The following U2AF2 variants were observed in gnomAD, a reference collection of about 807,000 sequenced individuals.
U2AF2 encodes splicing factor U2AF 65 kDa subunit.
U2AF2 carries 6 observed loss-of-function variants against 52.6 expected under a neutral mutation model. The observed-to-expected ratio is 0.11, with a 90% CI of 0.06 to 0.23. The LOEUF (loss-of-function observed/expected upper bound fraction) is 0.23. U2AF2 is among the 10% of genes least tolerant of loss of function. The probability of loss-of-function intolerance (pLI) is 1.00; values close to 1 mark genes in which losing one functional copy is unlikely to be tolerated. For synonymous variants in U2AF2, 284 were observed against 258.2 expected, an observed-to-expected ratio of 1.10 and a Z score of -0.96; for missense variants, 222 against 677.1, an observed-to-expected ratio of 0.33 and a Z score of 7.46.
intron 11 of U2AF2, among the ~76,000 whole-genome samples, chr19:55,669,894 G>A (rs942625168): frequency 1.3e-5 from 2 of 152,224 alleles, no homozygotes; most frequent in African/African-American, 4.8e-5. Flanking sequence ...CATGGGAGAT[G>A]TTGGTGACCC....
intron 6 of U2AF2, among the ~76,000 whole-genome samples, chr19:55,662,974 C>T (rs1342280058): frequency 6.6e-6 from 1 of 152,052 alleles, no homozygotes; most frequent in Non-Finnish European, 1.5e-5. Flanking sequence ...AACTGATGTT[C>T]CTAACTAGTC....
At chr19:55,658,124 C>T (rs1983911519) in intron 1 of U2AF2, among the ~76,000 whole-genome samples, 1 of 152,176 alleles carries the variant, frequency 6.6e-6, no homozygotes, top group Non-Finnish European at 1.5e-5. Flanking sequence ...AACATCCTCC[C>T]TCAGTGCCCT....
At position 55,659,033 on chromosome 19, in the gene U2AF2, T is replaced by C. The variant is rs145768292; in HGVS notation, c.50-177T>C. On this transcript the variant is annotated intron_variant, in intron 1 of 11. Coordinates refer to ENST00000308924, the MANE Select transcript of U2AF2 (RefSeq NM_007279.3). ...AGGCCCCGTCCCCCTGGTCCCCTCA[T>C]GGTCCCTGGACTCGCTTGTGGACCC... 4.9e-6 allele frequency: 5 copies of C among 1,024,928 alleles called. No homozygotes were observed. The African/African-American group carries it at 8.4e-5, about 17-fold the overall frequency. The allele number at this position is 1,024,928 out of a possible 1,614,324, so 63.5% of individuals were successfully genotyped here. A position where few individuals can be genotyped will look rare whatever the true frequency, so the allele number is the denominator to read the frequency against.
chr19:55,674,432 G>A lies in U2AF2; in HGVS notation c.*364G>A, dbSNP rs1985162804. The A allele has an allele frequency of 1.4e-5, 3 of 214,968 alleles. No individual in the cohort carries two copies. The allele number at this position is 214,968 out of a possible 1,614,324, so 13.3% of individuals were successfully genotyped here. ...ACCCCTTTCTTCTCCCCTTCCCCAC[G>A]GTAGGAACATAGCGTGTTTATATTT... On this transcript the variant is annotated 3_prime_UTR_variant, in exon 12 of 12. Coordinates refer to ENST00000308924, the MANE Select transcript of U2AF2 (RefSeq NM_007279.3).
rs888396169 is a variant in U2AF2, at chr19:55,669,716, C to T, written c.1293+24C>T. The T allele has an allele frequency of 5.7e-6, 9 of 1,568,016 alleles. No homozygotes were observed. The African/African-American group carries it at 9.5e-5, about 16-fold the overall frequency. The stretch of plus-strand genomic sequence containing the variant: ...AGGTCAGGAGGCCTCGGGCTCAGTG[C>T]TCTCTCACCCTCTGCCCCTCCTCTT... On this transcript the variant is annotated intron_variant, in intron 11 of 11. Transcript: ENST00000308924.
chr19:55,663,549 A>G, intron 6 of U2AF2, 57 bp from the exon 7 acceptor site: 1 of 1,571,528 alleles, frequency 6.4e-7, no homozygotes, highest in Non-Finnish European at 8.7e-7. Context: ...CTGGAACACT[A>G]GGGGCTGTAC....
intron 1 of U2AF2, 94 bp downstream of exon 1, chr19:55,655,247 C>A: frequency 7.2e-7 from 1 of 1,390,288 alleles, no homozygotes; most frequent in Non-Finnish European, 9.8e-7. Context: ...CCCCCCACTT[C>A]ACGGCCGCGC....
Position 55,674,101 on chromosome 19 carries a change from C to A in U2AF2, c.*33C>A. On this transcript the variant is annotated 3_prime_UTR_variant, in exon 12 of 12. Coordinates refer to ENST00000308924, the MANE Select transcript of U2AF2 (RefSeq NM_007279.3). ...TGGGGGAGGGTGGGGGCAGGGCTGG[C>A]TGGGGGCTTCTCCCCACTCCCGCCC... is the stretch of plus-strand genomic sequence containing the variant. 2.6e-6 allele frequency: 3 copies of A among 1,149,852 alleles called. No individual in the cohort carries two copies. Among genetic ancestry groups the A allele is most frequent in the Non-Finnish European group, 3.7e-6 (3 of 814,308 alleles). 71.2% of individuals were successfully genotyped at this position (1,149,852 alleles called of 1,614,324 possible). A position where few individuals can be genotyped will look rare whatever the true frequency, so the allele number is the denominator to read the frequency against.
intron 1 of U2AF2, among the ~76,000 whole-genome samples, chr19:55,656,374 T>C (rs1983796514): frequency 6.6e-6 from 1 of 152,250 alleles, no homozygotes; most frequent in African/African-American, 2.4e-5. Flanking sequence ...TAACGTTTAC[T>C]GAGGGTCTGA....
chr19:55,657,474 C>G (rs1383929471), intron 1 of U2AF2, among the ~76,000 whole-genome samples: 1 of 152,188 alleles, frequency 6.6e-6, no homozygotes, highest in African/African-American at 2.4e-5. Context: ...AGGCACCCAG[C>G]GGGCATCATT....
intron 7 of U2AF2, among the ~76,000 whole-genome samples, chr19:55,666,798 C>T (rs953420473): frequency 6.6e-5 from 10 of 152,212 alleles, no homozygotes; most frequent in African/African-American, 2.2e-4. Context: ...CCAGGGCTCG[C>T]GGCTGAGCTT....
intron 1 of U2AF2, among the ~76,000 whole-genome samples, chr19:55,658,709 G>C (rs889307041): frequency 2.0e-5 from 3 of 152,202 alleles, no homozygotes; most frequent in Admixed American, 2.0e-4. Flanking sequence ...GATGGGTTGA[G>C]TTTCCCTGCT....
intron 1 of U2AF2, among the ~76,000 whole-genome samples, chr19:55,656,385 C>T (rs922884341): frequency 3.3e-5 from 5 of 152,204 alleles, no homozygotes; most frequent in Admixed American, 1.3e-4. Flanking sequence ...GAGGGTCTGA[C>T]TCTGTCTTAG....
At position 55,660,230 on chromosome 19, in the gene U2AF2, C is replaced by A; in HGVS notation, c.230+9C>A. Reference sequence around the variant, plus strand: ...GAGCACGGTGGACTGATGTGAGCTTCTCTTCCTGCCCCTTCCTCCCTGATG... The same window carrying A: ...GAGCACGGTGGACTGATGTGAGCTTATCTTCCTGCCCCTTCCTCCCTGATG... On this transcript the variant is annotated intron_variant, in intron 3 of 11. Coordinates refer to ENST00000308924, the MANE Select transcript of U2AF2 (RefSeq NM_007279.3). 1 of 1,593,332 alleles carries A rather than the reference C, an allele frequency of 6.3e-7. No homozygotes were observed. The highest frequency in any genetic ancestry group is 8.6e-7 in the Non-Finnish European group (1 of 1,168,008).
chr19:55,661,861 C>T (rs971553522), intron 5 of U2AF2: 3 of 152,520 alleles, frequency 2.0e-5, no homozygotes, highest in Non-Finnish European at 4.4e-5. Context: ...CTTTCTCAAC[C>T]TGCACTTTGC....
Position 55,660,686 on chromosome 19 carries a change from TCC to T in U2AF2, c.334+70_334+71del, listed in dbSNP as rs1984126173. Reference sequence around the variant, plus strand: ...GGGGTTGGGATTCTCCGTCAGTCATTCCCCTGCGTGTGTGCTTGGAGGGGGTC... The same window carrying T: ...GGGGTTGGGATTCTCCGTCAGTCATTCCTGCGTGTGTGCTTGGAGGGGGTC... On this transcript the variant is annotated intron_variant, in intron 4 of 11. Coordinates refer to ENST00000308924, the MANE Select transcript of U2AF2 (RefSeq NM_007279.3). 4 of 1,447,808 alleles carry T rather than the reference TCC, an allele frequency of 2.8e-6. No homozygotes were observed. The South Asian group carries it at 3.6e-5, about 13-fold the overall frequency. 89.7% of individuals were successfully genotyped at this position (1,447,808 alleles called of 1,614,324 possible). A position where few individuals can be genotyped will look rare whatever the true frequency, so the allele number is the denominator to read the frequency against.
intron 11 of U2AF2, among the ~76,000 whole-genome samples, chr19:55,673,498 C>T (rs1489414045): frequency 1.3e-5 from 2 of 152,166 alleles, no homozygotes; most frequent in East Asian, 1.9e-4. Flanking sequence ...AAATTTTATT[C>T]AACCTGGGTT....
At chr19:55,670,042 T>C (rs36092527) in intron 11 of U2AF2, among the ~76,000 whole-genome samples, 21,564 of 152,040 alleles carry the variant, frequency 0.14, 1,706 homozygotes, top group East Asian at 0.22. Context: ...TTGCCTGGTC[T>C]GTGGAGTGGG....
intron 1 of U2AF2, 79 bp from the exon 2 acceptor site, chr19:55,659,131 T>C (rs1983988228): frequency 2.1e-6 from 3 of 1,418,550 alleles, no homozygotes; most frequent in East Asian, 2.7e-5. Context: ...GCTTGGGACA[T>C]AGCCACCAGC....
Sources: gnomAD v4.1 joint callset for allele counts (sites outside exome capture counted in the v4.1 genomes callset) on GRCh38, gnomAD v4.1.1 for gene constraint, MANE v1.5 for transcripts, NCBI Gene and HGNC (gene_info 2026-07-23, HGNC 2026-07-21) for gene names.